The following CRPPA variants were observed in gnomAD, a reference collection of about 807,000 sequenced individuals.
CRPPA encodes CDP-L-ribitol pyrophosphorylase A, also known as D-ribitol-5-phosphate cytidylyltransferase.
Under a neutral mutation model 52.0 loss-of-function variants are expected in CRPPA, and 43 were observed. The ratio of observed to expected loss-of-function variants is 0.83; its 90% CI spans 0.65 to 1.07. The LOEUF (loss-of-function observed/expected upper bound fraction) is 1.07, where lower values mean the gene tolerates loss of function less well. Among genes scored for constraint, CRPPA ranks in the 50% least tolerant of loss-of-function variants. The probability of loss-of-function intolerance (pLI) is 0.00; values close to 1 mark genes in which losing one functional copy is unlikely to be tolerated. For synonymous variants in CRPPA, 250 were observed against 203.5 expected (o/e 1.23, Z -1.94); for missense variants, 629 against 551.7 (o/e 1.14, Z -1.40).
chr7:16,301,303 C>A lies in CRPPA; in HGVS notation c.835+118G>T, dbSNP rs984639007. 4.6e-5 allele frequency: 34 copies of A among 737,402 alleles called. 1 individual carries two copies. The highest frequency in any genetic ancestry group is 4.0e-4 in the South Asian group (23 of 57,818). 45.7% of individuals were successfully genotyped at this position (737,402 alleles called of 1,614,324 possible). A position where few individuals can be genotyped will look rare whatever the true frequency, so the allele number is the denominator to read the frequency against. Reference sequence around the variant, plus strand: ...TTATTTTCAAAAAACAAATCAGAGACCTTGGCCTACAGGCTTTTCTGCTTT... The same window carrying A: ...TTATTTTCAAAAAACAAATCAGAGAACTTGGCCTACAGGCTTTTCTGCTTT... On this transcript the variant is annotated intron_variant, in intron 5 of 9. Transcript: ENST00000407010.
chr7:16,248,645 C>A (rs1783347255), intron 8 of CRPPA, among the ~76,000 whole-genome samples: 2 of 152,170 alleles, frequency 1.3e-5, no homozygotes, highest in African/African-American at 4.8e-5. Context: ...CCAGCAAGAT[C>A]CACGCGGAAG....
chr7:16,168,998 G>A (rs1781124254), intron 9 of CRPPA, among the ~76,000 whole-genome samples: 1 of 152,056 alleles, frequency 6.6e-6, no homozygotes, highest in Admixed American at 6.5e-5. Context: ...AAACTCTATG[G>A]GAAATTTTGT....
intron 3 of CRPPA, among the ~76,000 whole-genome samples, chr7:16,372,104 T>G (rs182001097): frequency 1.3e-5 from 2 of 152,328 alleles, no homozygotes; most frequent in African/African-American, 4.8e-5. Flanking sequence ...AAATGAAGTC[T>G]AAGAGTTTGG....
intron 8 of CRPPA, among the ~76,000 whole-genome samples, chr7:16,250,082 C>A (rs1295270809): frequency 6.6e-6 from 1 of 152,180 alleles, no homozygotes; most frequent in East Asian, 1.9e-4. Context: ...CTTCGTGAAG[C>A]ATACACAAGT....
intron 8 of CRPPA, among the ~76,000 whole-genome samples, chr7:16,227,465 T>C (rs1782681638): frequency 6.6e-6 from 1 of 151,930 alleles, no homozygotes; most frequent in Admixed American, 6.6e-5. Context: ...GTGGTTGTGA[T>C]TTACACTTCC....
At chr7:16,368,801 C>T (rs909667148) in intron 3 of CRPPA, among the ~76,000 whole-genome samples, 1 of 152,080 alleles carries the variant, frequency 6.6e-6, no homozygotes, top group African/African-American at 2.4e-5. Flanking sequence ...CTGCAAATCA[C>T]CAACCTTACA....
intron 2 of CRPPA, among the ~76,000 whole-genome samples, chr7:16,391,343 A>T (rs1255893972): frequency 6.6e-6 from 1 of 151,986 alleles, no homozygotes; most frequent in Non-Finnish European, 1.5e-5. Context: ...AAGTATTCCA[A>T]ATCTGCCCAC....
At chr7:16,241,125 C>A (rs1052163666) in intron 8 of CRPPA, among the ~76,000 whole-genome samples, 3 of 152,240 alleles carry the variant, frequency 2.0e-5, no homozygotes, top group South Asian at 4.1e-4. Context: ...ATTCTGGAAA[C>A]AATTTACATC....
intron 6 of CRPPA, among the ~76,000 whole-genome samples, chr7:16,275,462 CA>C (rs1784181074): frequency 1.3e-5 from 2 of 152,138 alleles, no homozygotes; most frequent in African/African-American, 4.8e-5. Flanking sequence ...AAAGTACAGG[CA>C]AAGGACGGCC....
chr7:16,341,741 A>C (rs2526604), intron 3 of CRPPA, among the ~76,000 whole-genome samples: 2 of 151,920 alleles, frequency 1.3e-5, no homozygotes, highest in Admixed American at 1.3e-4. Flanking sequence ...ATATTTTACA[A>C]TAAGACTTAT....
intron 8 of CRPPA, among the ~76,000 whole-genome samples, chr7:16,241,991 C>T (rs561644722): frequency 8.1e-6 from 1 of 122,732 alleles, no homozygotes; most frequent in South Asian, 2.6e-4. Context: ...TAGAGTCTCG[C>T]TCTGTCACCC....
chr7:16,318,496 T>A (rs1432688714), intron 3 of CRPPA, among the ~76,000 whole-genome samples: 1 of 152,192 alleles, frequency 6.6e-6, no homozygotes, highest in Admixed American at 6.5e-5. Flanking sequence ...GTAACAATTT[T>A]TGCTGAGTAA....
chr7:16,329,400 C>G (rs1037827410), intron 3 of CRPPA, among the ~76,000 whole-genome samples: 11 of 152,132 alleles, frequency 7.2e-5, no homozygotes, highest in African/African-American at 2.7e-4. Context: ...GTGCATGGCC[C>G]TGGAAGCCAC....
chr7:16,230,687 T>A (rs1038554346), intron 8 of CRPPA, among the ~76,000 whole-genome samples: 1 of 152,188 alleles, frequency 6.6e-6, no homozygotes, highest in Non-Finnish European at 1.5e-5. Flanking sequence ...GGTCATGTAA[T>A]GTTTTCTTGA....
intron 6 of CRPPA, among the ~76,000 whole-genome samples, chr7:16,268,079 T>C (rs144686147): frequency 6.6e-6 from 1 of 152,094 alleles, no homozygotes; most frequent in East Asian, 1.9e-4. Context: ...TATAGAAGTA[T>C]AATTGCAGCC....
At chr7:16,333,931 T>G (rs12699782) in intron 3 of CRPPA, among the ~76,000 whole-genome samples, 25,361 of 152,086 alleles carry the variant, frequency 0.17, 2,617 homozygotes, top group South Asian at 0.42. Flanking sequence ...TCTATGATGT[T>G]TGGAAAAATG....
At chr7:16,289,949 T>C (rs1205907760) in intron 5 of CRPPA, among the ~76,000 whole-genome samples, 1 of 152,118 alleles carries the variant, frequency 6.6e-6, no homozygotes, top group Non-Finnish European at 1.5e-5. Flanking sequence ...AAAAAAACTC[T>C]TAGAATTGAT....
At chr7:16,347,700 CCA>C in intron 3 of CRPPA, among the ~76,000 whole-genome samples, 1 of 152,222 alleles carries the variant, frequency 6.6e-6, no homozygotes, top group East Asian at 1.9e-4. Flanking sequence ...GAGAAAACAT[CCA>C]CACTGGATGG....
intron 5 of CRPPA, among the ~76,000 whole-genome samples, chr7:16,285,029 C>A (rs999220278): frequency 6.6e-6 from 1 of 152,066 alleles, no homozygotes; most frequent in African/African-American, 2.4e-5. Flanking sequence ...TCATGAAGCA[C>A]AAAATTCTTT....
Sources: gnomAD v4.1 joint callset for allele counts (sites outside exome capture counted in the v4.1 genomes callset) on GRCh38, gnomAD v4.1.1 for gene constraint, MANE v1.5 for transcripts, NCBI Gene and HGNC (gene_info 2026-07-23, HGNC 2026-07-21) for gene names.